The following MCC variants were observed in gnomAD, a reference collection of about 807,000 sequenced individuals.
MCC encodes the protein MCC regulator of Wnt signaling pathway.
A neutral mutation model predicts 116.2 loss-of-function variants in MCC; 90 were observed. The observed-to-expected ratio is 0.77, with a 90% confidence interval of 0.65 to 0.92. The LOEUF is 0.92. Ranked by LOEUF, MCC falls within the 40% of genes least tolerant of loss-of-function variation. The pLI is 0.00. For synonymous variants in MCC, 578 were observed against 510.5 expected (o/e 1.13, Z -1.78); for missense variants, 1,516 against 1,312.2 (o/e 1.16, Z -2.40).
At chr5:113,330,854 A>G (rs938319475) in intron 3 of MCC, among the ~76,000 whole-genome samples, 1 of 152,214 alleles carries the variant, frequency 6.6e-6, no homozygotes, top group African/African-American at 2.4e-5. Context: ...CAATAGAATC[A>G]TTTTAAAAAA....
intron 8 of MCC, among the ~76,000 whole-genome samples, chr5:113,101,109 T>G (rs531851800): frequency 6.6e-5 from 10 of 152,280 alleles, no homozygotes; most frequent in Non-Finnish European, 2.9e-5. Context: ...CTAAACAAAA[T>G]GATACTCAAA....
At chr5:113,353,487 C>A (rs2150382753) in intron 2 of MCC, among the ~76,000 whole-genome samples, 1 of 152,280 alleles carries the variant, frequency 6.6e-6, no homozygotes, top group East Asian at 1.9e-4. Context: ...TATGGTCTCT[C>A]AATACTACTT....
intron 17 of MCC, among the ~76,000 whole-genome samples, chr5:113,033,772 G>A (rs576852982): frequency 7.9e-5 from 12 of 152,294 alleles, no homozygotes; most frequent in South Asian, 2.1e-4. Flanking sequence ...TGTAATGACT[G>A]TGACAACTGA....
chr5:113,173,784 A>C (rs1761189763), intron 3 of MCC, among the ~76,000 whole-genome samples: 1 of 152,180 alleles, frequency 6.6e-6, no homozygotes. Context: ...AGTGACCTAG[A>C]ACATTTGTCT....
At chr5:113,222,662 G>A (rs113718342) in intron 3 of MCC, among the ~76,000 whole-genome samples, 7,263 of 152,264 alleles carry the variant, frequency 0.048, 309 homozygotes, top group African/African-American at 0.11. Context: ...CACTGGGGGA[G>A]AAACGAAGAG....
At chr5:113,355,521 T>C (rs1768388297) in intron 2 of MCC, among the ~76,000 whole-genome samples, 1 of 152,094 alleles carries the variant, frequency 6.6e-6, no homozygotes, top group Admixed American at 6.6e-5. Flanking sequence ...CATAACAAAA[T>C]ACCAAAACTT....
chr5:113,036,330 G>A (rs776444085), intron 17 of MCC, among the ~76,000 whole-genome samples: 6 of 152,092 alleles, frequency 3.9e-5, no homozygotes, highest in South Asian at 4.2e-4. Flanking sequence ...GAGCCACCGC[G>A]CCTGGCCTAT....
At chr5:113,366,250 G>C (rs943374853) in intron 2 of MCC, among the ~76,000 whole-genome samples, 4 of 151,296 alleles carry the variant, frequency 2.6e-5, no homozygotes, top group African/African-American at 4.9e-5. Flanking sequence ...TTCTAGCTTA[G>C]ATTTTCTTTC....
At chr5:113,061,638 G>A (rs1467754359) in intron 14 of MCC, among the ~76,000 whole-genome samples, 1 of 152,206 alleles carries the variant, frequency 6.6e-6, no homozygotes, top group Non-Finnish European at 1.5e-5. Context: ...CCCCTCTGCT[G>A]CTCCTCTCTA....
chr5:113,363,170 A>G (rs1768589504), intron 2 of MCC, among the ~76,000 whole-genome samples: 1 of 152,164 alleles, frequency 6.6e-6, no homozygotes, highest in Admixed American at 6.5e-5. Context: ...CCAGCTATTC[A>G]GGAGGCTGAG....
rs368556025 is a variant in MCC, at chr5:113,068,099, C to T, written c.2010G>A (p.Ala670=). Residue 670 remains alanine, a synonymous_variant, in exon 13 of 19, where the codon GCG becomes GCA. Coordinates refer to ENST00000408903, the MANE Select transcript of MCC (RefSeq NM_001085377.2). ...QSLILGQFRA[A]GVGSSPGDQS... is the part of the protein sequence containing the mutation. ...ACTTACCAGGGGAGGACCCCACGCC[C>T]GCCGCTCGGAACTGCCCCAGGATGA... The T allele has an allele frequency of 1.8e-5, 29 of 1,614,020 alleles. No individual in the cohort carries two copies. Among genetic ancestry groups the T allele is most frequent in the African/African-American group, 1.7e-4 (13 of 74,906 alleles).
intron 5 of MCC, among the ~76,000 whole-genome samples, chr5:113,142,149 A>G (rs1759215957): frequency 1.4e-5 from 2 of 147,134 alleles, no homozygotes; most frequent in African/African-American, 4.9e-5. Context: ...AGCCTCATCA[A>G]GAAGCCCCGC....
rs568828140 is a variant in MCC, at chr5:113,457,538, C to T, written c.170+30707G>A. 7.2e-5 allele frequency among the ~76,000 whole-genome samples: 11 copies of T among 152,260 alleles called. No individual in the cohort carries two copies. The South Asian group carries it at 2.1e-3, about 29-fold the overall frequency. On this transcript the variant is annotated intron_variant, in intron 1 of 18. Coordinates refer to ENST00000408903, the MANE Select transcript of MCC (RefSeq NM_001085377.2). ...AGCGCTGAGGAGTGCGAGCGCATGGCGTGGGACTGGCAGGCAGCTCCACCT... is the reference window on the plus strand; with the variant it reads ...AGCGCTGAGGAGTGCGAGCGCATGGTGTGGGACTGGCAGGCAGCTCCACCT...
intron 17 of MCC, among the ~76,000 whole-genome samples, chr5:113,033,511 T>C (rs1751106709): frequency 6.6e-6 from 1 of 152,218 alleles, no homozygotes; most frequent in Non-Finnish European, 1.5e-5. Flanking sequence ...TAATTTAAAT[T>C]TGCTTAGCCT....
intron 3 of MCC, among the ~76,000 whole-genome samples, chr5:113,289,984 T>C (rs1766420408): frequency 6.6e-6 from 1 of 152,230 alleles, no homozygotes; most frequent in Non-Finnish European, 1.5e-5. Context: ...GGTGTGTGAA[T>C]ACTAGGTGAT....
At chr5:113,184,581 G>A (rs1308574955) in intron 3 of MCC, among the ~76,000 whole-genome samples, 1 of 148,968 alleles carries the variant, frequency 6.7e-6, no homozygotes, top group Non-Finnish European at 1.5e-5. Flanking sequence ...TCCTGCCTCA[G>A]CCTCTCAAAG....
At chr5:113,234,552 C>T (rs944477763) in intron 3 of MCC, 5 of 152,196 alleles carry the variant, frequency 3.3e-5, no homozygotes, top group Non-Finnish European at 4.4e-5. Flanking sequence ...CCCCCCTAGA[C>T]GGGCTTTTTA....
chr5:113,091,485 A>C (rs1487394493), intron 8 of MCC, among the ~76,000 whole-genome samples: 1 of 152,218 alleles, frequency 6.6e-6, no homozygotes, highest in African/African-American at 2.4e-5. Context: ...GCAACTGGTA[A>C]ACCACATCAC....
At chr5:113,407,691 C>T (rs1655216124) in intron 1 of MCC, among the ~76,000 whole-genome samples, 1 of 152,156 alleles carries the variant, frequency 6.6e-6, no homozygotes, top group Non-Finnish European at 1.5e-5. Context: ...AGGTTTGTTA[C>T]ATAGGTATAC....
Sources: allele counts gnomAD v4.1 joint callset (sites outside exome capture counted in the v4.1 genomes callset), GRCh38; gene constraint gnomAD v4.1.1; transcripts MANE v1.5; gene names NCBI Gene and HGNC (gene_info 2026-07-23, HGNC 2026-07-21).